The following MAGI2 variants were observed in gnomAD, a reference collection of about 807,000 sequenced individuals.
The protein encoded by MAGI2 is membrane-associated guanylate kinase, WW and PDZ domain-containing protein 2.
In MAGI2, 35 loss-of-function variants were observed where a neutral mutation model predicts 133.3. The observed-to-expected ratio is 0.26, with a 90% CI of 0.20 to 0.35. MAGI2 has a LOEUF of 0.35. Ranked by LOEUF, MAGI2 falls within the 10% of genes least tolerant of loss-of-function variation. The pLI is 1.00. For missense variants in MAGI2, 1,636 were observed against 1,863.4 expected, an observed-to-expected ratio of 0.88 and a Z score of 2.25; for synonymous variants, 729 against 710.6, an observed-to-expected ratio of 1.03 and a Z score of -0.41.
intron 6 of MAGI2, among the ~76,000 whole-genome samples, chr7:78,432,748 G>A (rs954287235): frequency 6.6e-6 from 1 of 151,494 alleles, no homozygotes; most frequent in Non-Finnish European, 1.5e-5. Flanking sequence ...TTACTGTATT[G>A]TGCCATATAG....
In MAGI2 at chr7:78,775,320, T is replaced by TA. The variant is rs3086258; in HGVS notation, c.419-148082dup. Among the ~76,000 whole-genome samples the TA allele has an allele frequency of 4.6e-3, 266 of 57,346 alleles. 33 individuals carry two copies. The highest frequency in any genetic ancestry group is 6.0e-3 in the Non-Finnish European group (189 of 31,748). 37.6% of individuals were successfully genotyped at this position (57,346 alleles called of 152,430 possible). A position where few individuals can be genotyped will look rare whatever the true frequency, so the allele number is the denominator to read the frequency against. On this transcript the variant is annotated intron_variant, in intron 2 of 21. Coordinates refer to ENST00000354212, the MANE Select transcript of MAGI2 (RefSeq NM_012301.4). ...AGAGCGAGACTCTGTCGTCTCAAAT[T>TA]AAAAAAAAAAAAAAAAAAAAAAAAA...
chr7:79,122,497 C>T (rs768049113), intron 1 of MAGI2, among the ~76,000 whole-genome samples: 9 of 152,148 alleles, frequency 5.9e-5, no homozygotes, highest in African/African-American at 1.4e-4. Flanking sequence ...TTACCCATTA[C>T]GCTTTTCAGT....
chr7:78,420,053 AC>A (rs1432618787), intron 6 of MAGI2, among the ~76,000 whole-genome samples: 1 of 151,972 alleles, frequency 6.6e-6, no homozygotes, highest in Non-Finnish European at 1.5e-5. Flanking sequence ...TATTATTCAA[AC>A]CTTTTTGAGT....
Position 78,973,208 on chromosome 7 carries a change from C to A in MAGI2, c.418+33882G>T, listed in dbSNP as rs185393694. On this transcript the variant is annotated intron_variant, in intron 2 of 21. Coordinates refer to ENST00000354212, the MANE Select transcript of MAGI2 (RefSeq NM_012301.4). ...TCTGTACAGAAGCACATTTTCCACT[C>A]CATTTTCAAAGCACACAATTAGATT... Among the ~76,000 whole-genome samples, 332 of 152,010 alleles carry A rather than the reference C, an allele frequency of 2.2e-3. 1 individual carries two copies. The highest frequency in any genetic ancestry group is 0.017 in the Middle Eastern group (5 of 294).
At position 79,443,263 on chromosome 7, in the gene MAGI2, A is replaced by AGT. The variant is rs10600872; in HGVS notation, c.301+9755_301+9756dup. 5.4e-3 allele frequency among the ~76,000 whole-genome samples: 783 copies of AGT among 143,754 alleles called. 10 individuals are homozygous for AGT. In the East Asian group the frequency reaches 0.06, roughly 11 times the overall value. The allele number at this position is 143,754 out of a possible 152,430, so 94.3% of individuals were successfully genotyped here. ...CTCCAGCCTGAACCTTAGTGTTTGA[A>AGT]GTGTGTGTGTGTGTGTGTGTGCGTG... On this transcript the variant is annotated intron_variant, in intron 1 of 21. Transcript: ENST00000354212.
chr7:78,747,398 A>T (rs976694437), intron 2 of MAGI2, among the ~76,000 whole-genome samples: 4 of 152,180 alleles, frequency 2.6e-5, no homozygotes, highest in African/African-American at 9.7e-5. Flanking sequence ...GTTCATAGAC[A>T]CAATAAATAT....
intron 1 of MAGI2, among the ~76,000 whole-genome samples, chr7:79,450,585 C>T (rs994880348): frequency 6.6e-6 from 1 of 152,074 alleles, no homozygotes; most frequent in African/African-American, 2.4e-5. Context: ...AAGCACGAAA[C>T]TGAGGGTTAA....
intron 3 of MAGI2, among the ~76,000 whole-genome samples, chr7:78,579,634 G>A (rs1207660234): frequency 3.9e-5 from 6 of 152,092 alleles, no homozygotes; most frequent in Non-Finnish European, 8.8e-5. Context: ...TTCCCCTAGA[G>A]ACTCAGAGTC....
intron 2 of MAGI2, among the ~76,000 whole-genome samples, chr7:78,742,315 A>C (rs945312682): frequency 6.6e-6 from 1 of 152,052 alleles, no homozygotes; most frequent in African/African-American, 2.4e-5. Context: ...AGATTCACAG[A>C]ATTCCTCTAC....
intron 21 of MAGI2, among the ~76,000 whole-genome samples, chr7:78,036,860 C>T (rs1243090036): frequency 6.6e-6 from 1 of 152,232 alleles, no homozygotes; most frequent in East Asian, 1.9e-4. Flanking sequence ...GCAATCCACC[C>T]TCTTTGGCCT....
At chr7:79,038,239 A>G (rs1172039163) in intron 1 of MAGI2, among the ~76,000 whole-genome samples, 3 of 152,172 alleles carry the variant, frequency 2.0e-5, no homozygotes, top group Non-Finnish European at 2.9e-5. Flanking sequence ...AGTCAGGTAA[A>G]ATGTTGTCTC....
chr7:79,354,731 C>T (rs554780556), intron 1 of MAGI2, among the ~76,000 whole-genome samples: 1 of 152,224 alleles, frequency 6.6e-6, no homozygotes, highest in South Asian at 2.1e-4. Context: ...TAAATGCTCA[C>T]CTCGGTGTGC....
chr7:78,973,570 G>A (rs900232809), intron 2 of MAGI2, among the ~76,000 whole-genome samples: 1 of 150,558 alleles, frequency 6.6e-6, no homozygotes, highest in Non-Finnish European at 1.5e-5. Context: ...GTTATGAATT[G>A]TTCCCTTGAA....
intron 1 of MAGI2, 128 bp downstream of exon 1, chr7:79,452,892 T>C: frequency 2.1e-6 from 2 of 975,012 alleles, no homozygotes; most frequent in East Asian, 5.3e-5. Flanking sequence ...GCACTGCGGG[T>C]GCTCTCTGGC....
chr7:79,441,716 T>A (rs541589483), intron 1 of MAGI2, among the ~76,000 whole-genome samples: 1 of 152,246 alleles, frequency 6.6e-6, no homozygotes, highest in South Asian at 2.1e-4. Flanking sequence ...ACTTGTGGGA[T>A]CCTTTCCACT....
chr7:79,227,866 A>G (rs1830988328), intron 1 of MAGI2, among the ~76,000 whole-genome samples: 1 of 152,120 alleles, frequency 6.6e-6, no homozygotes, highest in African/African-American at 2.4e-5. Flanking sequence ...CACACTTCCT[A>G]TCTTTCCTGT....
At position 78,346,166 on chromosome 7, in the gene MAGI2, A is replaced by C. The variant is rs1271982313; in HGVS notation, c.1104-123T>G. The C allele has an allele frequency of 7.4e-6, 8 of 1,079,242 alleles. No individual in the cohort carries two copies. The African/African-American group carries it at 1.3e-4, about 17-fold the overall frequency. 66.9% of individuals were successfully genotyped at this position (1,079,242 alleles called of 1,614,324 possible). A position where few individuals can be genotyped will look rare whatever the true frequency, so the allele number is the denominator to read the frequency against. On this transcript the variant is annotated intron_variant, in intron 7 of 21. Coordinates refer to ENST00000354212, the MANE Select transcript of MAGI2 (RefSeq NM_012301.4). ...TTATCTGATTACAGTCAAGTGCCTCACCCAGCACGCGGTCAGGCTCCTGAC... is the reference window on the plus strand; with the variant it reads ...TTATCTGATTACAGTCAAGTGCCTCCCCCAGCACGCGGTCAGGCTCCTGAC...
intron 1 of MAGI2, among the ~76,000 whole-genome samples, chr7:79,095,279 T>C (rs923235511): frequency 6.6e-6 from 1 of 152,202 alleles, no homozygotes; most frequent in Non-Finnish European, 1.5e-5. Flanking sequence ...CGGTGGCTTG[T>C]TTGACAATCT....
chr7:79,232,566 C>G (rs1831465357), intron 1 of MAGI2, among the ~76,000 whole-genome samples: 1 of 93,186 alleles, frequency 1.1e-5, no homozygotes, highest in South Asian at 4.4e-4. Flanking sequence ...TCTAGATTTT[C>G]TAGTTTATTT....
Sources: allele counts gnomAD v4.1 joint callset (sites outside exome capture counted in the v4.1 genomes callset), GRCh38; gene constraint gnomAD v4.1.1; transcripts MANE v1.5; gene names NCBI Gene and HGNC (gene_info 2026-07-23, HGNC 2026-07-21).